Variants in GALNT13 observed in about 807,000 individuals in gnomAD.
GALNT13 encodes UDP-GalNAc:polypeptide N-acetylgalactosaminyltransferase 13.
Under a neutral mutation model 64.2 loss-of-function variants are expected in GALNT13, and 28 were observed. That is an observed-to-expected ratio of 0.44 (90% CI 0.32 to 0.60). The LOEUF is 0.60. Ranked by LOEUF, GALNT13 falls within the 20% of genes least tolerant of loss-of-function variation. The pLI is 0.05. For missense variants in GALNT13, 577 were observed against 669.8 expected (o/e 0.86, Z 1.53); for synonymous variants, 214 against 224.6 (o/e 0.95, Z 0.42).
the GALNT13 span, among the ~76,000 whole-genome samples, chr2:153,595,823 T>C: frequency 6.6e-6 from 1 of 152,188 alleles, no homozygotes; most frequent in Non-Finnish European, 1.5e-5. Flanking sequence ...CCATAAAACA[T>C]GTGCCCAATA....
the GALNT13 span, among the ~76,000 whole-genome samples, chr2:153,220,820 A>G: frequency 1.3e-5 from 2 of 152,260 alleles, no homozygotes; most frequent in South Asian, 4.1e-4. Flanking sequence ...ATAGAAAACA[A>G]TATCAAACAT....
chr2:153,899,928 TA>T (rs1688117742), intron 1 of GALNT13, among the ~76,000 whole-genome samples: 2 of 88,852 alleles, frequency 2.3e-5, no homozygotes, highest in African/African-American at 8.1e-5. Flanking sequence ...TATATATATA[TA>T]TATATATTTT....
chr2:153,923,923 C>A (rs947971820), intron 2 of GALNT13, among the ~76,000 whole-genome samples: 4 of 152,028 alleles, frequency 2.6e-5, no homozygotes, highest in Non-Finnish European at 5.9e-5. Context: ...GCCACATTTT[C>A]TTAATCCAGC....
upstream of GALNT13, among the ~76,000 whole-genome samples, chr2:153,867,107 T>C (rs1425998812): frequency 2.0e-5 from 3 of 152,234 alleles, no homozygotes; most frequent in Non-Finnish European, 2.9e-5. Context: ...AAATCAACTA[T>C]ATATGAAATA....
chr2:154,164,854 A>C (rs12614816), intron 4 of GALNT13, among the ~76,000 whole-genome samples: 19,819 of 152,178 alleles, frequency 0.13, 1,426 homozygotes, highest in South Asian at 0.21. Flanking sequence ...CTAAAAAACA[A>C]GTTTTTGGTT....
At chr2:153,345,222 T>C in the GALNT13 span, among the ~76,000 whole-genome samples, 1 of 152,212 alleles carries the variant, frequency 6.6e-6, no homozygotes, top group Non-Finnish European at 1.5e-5. Context: ...AAATAGTTGA[T>C]TCCATCTTCT....
In GALNT13 at chr2:154,452,734, A is replaced by C. The variant is rs1189642214; in HGVS notation, c.*2183A>C. 6.6e-6 allele frequency: 1 copy of C among 152,218 alleles called. No homozygotes were observed. Among genetic ancestry groups the C allele is most frequent in the Non-Finnish European group, 1.5e-5 (1 of 68,036 alleles). 9.4% of individuals were successfully genotyped at this position (152,218 alleles called of 1,614,324 possible). A position where few individuals can be genotyped will look rare whatever the true frequency, so the allele number is the denominator to read the frequency against. On this transcript the variant is annotated 3_prime_UTR_variant, in exon 13 of 13. Coordinates refer to ENST00000392825, the MANE Select transcript of GALNT13 (RefSeq NM_052917.4). ...AGATGGCTTGAACACGTGCCATTAT[A>C]GTATCTAACAAAAAGTGGCATAAAA... is the stretch of plus-strand genomic sequence containing the variant.
intron 9 of GALNT13, 50 bp from the exon 10 acceptor site, chr2:154,395,941 C>G (rs754717962): frequency 6.6e-7 from 1 of 1,519,418 alleles, no homozygotes; most frequent in South Asian, 1.3e-5. Flanking sequence ...TAAAACAGTA[C>G]TAAAACAAAA....
At chr2:153,632,899 C>T in the GALNT13 span, among the ~76,000 whole-genome samples, 1 of 151,906 alleles carries the variant, frequency 6.6e-6, no homozygotes, top group African/African-American at 2.4e-5. Context: ...ATTACAGGCA[C>T]ACACCAATAC....
the GALNT13 span, among the ~76,000 whole-genome samples, chr2:153,749,506 A>G: frequency 6.6e-6 from 1 of 151,844 alleles, no homozygotes; most frequent in Admixed American, 6.6e-5. Context: ...ATCCTCTTCA[A>G]TTTCTTTCTT....
At chr2:154,107,529 G>A in intron 3 of GALNT13, among the ~76,000 whole-genome samples, 1 of 149,878 alleles carries the variant, frequency 6.7e-6, no homozygotes. Context: ...GGTGGAGGTT[G>A]CAGTGAGCCG....
At chr2:153,938,556 G>C (rs959078577) in intron 2 of GALNT13, among the ~76,000 whole-genome samples, 3 of 152,192 alleles carry the variant, frequency 2.0e-5, no homozygotes, top group African/African-American at 7.2e-5. Flanking sequence ...TAACTAGCCA[G>C]TGTTTTAGTT....
At chr2:153,788,408 T>C in the GALNT13 span, among the ~76,000 whole-genome samples, 16 of 152,114 alleles carry the variant, frequency 1.1e-4, no homozygotes, top group East Asian at 2.9e-3. Context: ...GGGAATTTTT[T>C]TTTTTTATCA....
chr2:153,297,219 A>C, the GALNT13 span, among the ~76,000 whole-genome samples: 2 of 152,198 alleles, frequency 1.3e-5, no homozygotes, highest in Non-Finnish European at 2.9e-5. Context: ...GGATCTTTGA[A>C]GGCAGCTGCT....
chr2:153,836,560 A>C, the GALNT13 span, among the ~76,000 whole-genome samples: 1 of 151,360 alleles, frequency 6.6e-6, no homozygotes, highest in African/African-American at 2.4e-5. Context: ...CACAATGTGC[A>C]GGTTAGTTAC....
At chr2:153,082,573 TTATATATATATATATATATA>T in the GALNT13 span, among the ~76,000 whole-genome samples, 570 of 40,554 alleles carry the variant, frequency 0.014, 12 homozygotes, top group East Asian at 0.097. Flanking sequence ...TTAGGCTGGT[TTATATATATATATATATATA>T]TATATATATA....
chr2:154,342,796 G>A (rs538066756), intron 9 of GALNT13, among the ~76,000 whole-genome samples: 1 of 151,112 alleles, frequency 6.6e-6, no homozygotes, highest in South Asian at 2.1e-4. Context: ...TATATGTACA[G>A]TAAAGTGTAT....
chr2:153,733,699 G>A, the GALNT13 span, among the ~76,000 whole-genome samples: 3 of 152,164 alleles, frequency 2.0e-5, no homozygotes, highest in African/African-American at 7.2e-5. Flanking sequence ...TTGGGCAAAT[G>A]GTTATTGGCA....
At chr2:153,078,502 G>C in the GALNT13 span, among the ~76,000 whole-genome samples, 2 of 151,660 alleles carry the variant, frequency 1.3e-5, no homozygotes, top group African/African-American at 4.8e-5. Context: ...AGTAGAGAAG[G>C]AGTTTCACCA....
Sources: gnomAD v4.1 joint callset for allele counts (sites outside exome capture counted in the v4.1 genomes callset) on GRCh38, gnomAD v4.1.1 for gene constraint, MANE v1.5 for transcripts, NCBI Gene and HGNC (gene_info 2026-07-23, HGNC 2026-07-21) for gene names.